The following GTF2IRD1 variants were observed in gnomAD, a reference collection of about 807,000 sequenced individuals.
GTF2IRD1 encodes the protein general transcription factor II-I repeat domain-containing protein 1.
Under a neutral mutation model 113.2 loss-of-function variants are expected in GTF2IRD1, and 26 were observed. The observed-to-expected ratio is 0.23, with a 90% confidence interval of 0.17 to 0.32. GTF2IRD1 has a LOEUF of 0.32. Ranked by LOEUF, GTF2IRD1 falls within the 10% of genes least tolerant of loss-of-function variation. GTF2IRD1 has a pLI of 1.00. For missense variants in GTF2IRD1, 864 were observed against 1,280.8 expected, an observed-to-expected ratio of 0.67 and a Z score of 4.97; for synonymous variants, 484 against 529.1, an observed-to-expected ratio of 0.91 and a Z score of 1.17.
rs59643542 is a variant in GTF2IRD1 at position 74,460,417 on chromosome 7, A to ATT, written c.-7+6252_-7+6253dup. On this transcript the variant is annotated intron_variant, in intron 1 of 26. Coordinates refer to ENST00000424337, the MANE Select transcript of GTF2IRD1 (RefSeq NM_005685.4). ...TCTGCACCTAGCTAATTAAAAAAAAATTTTTTTTTTTTAGAGATGGGGTCT... is the reference window on the plus strand; with the variant it reads ...TCTGCACCTAGCTAATTAAAAAAAAATTTTTTTTTTTTTTAGAGATGGGGTCT... Among the ~76,000 whole-genome samples the ATT allele has an allele frequency of 1.8e-3, 272 of 148,278 alleles. 1 individual carries two copies. Among genetic ancestry groups the ATT allele is most frequent in the African/African-American group, 5.7e-3 (229 of 40,388 alleles).
rs377334154 is a variant in GTF2IRD1, at chr7:74,509,010, A to G, written c.123+807A>G. On this transcript the variant is annotated intron_variant, in intron 2 of 26. Transcript: ENST00000424337. The stretch of plus-strand genomic sequence containing the variant: ...TTATCCCAAATGAGGACATCATAAT[A>G]CCATTTTCCTCTAGCCTTTTCCTGG... Among the ~76,000 whole-genome samples, 4 of 152,030 alleles carry G rather than the reference A, an allele frequency of 2.6e-5. No homozygotes were observed. In the East Asian group the frequency reaches 7.7e-4, roughly 29 times the overall value.
At chr7:74,552,496 A>T (rs1799371844) in intron 17 of GTF2IRD1, among the ~76,000 whole-genome samples, 3 of 152,316 alleles carry the variant, frequency 2.0e-5, no homozygotes, top group African/African-American at 7.2e-5. Flanking sequence ...AGCCTGGGCG[A>T]CAAGAGCAAA....
intron 3 of GTF2IRD1, among the ~76,000 whole-genome samples, chr7:74,514,421 G>C (rs1265175860): frequency 1.3e-5 from 2 of 152,128 alleles, no homozygotes; most frequent in African/African-American, 2.4e-5. Flanking sequence ...CCCAGAGCCT[G>C]AGGCGGTGCA....
chr7:74,561,307 C>T (rs1454174347), intron 22 of GTF2IRD1, among the ~76,000 whole-genome samples: 5 of 146,292 alleles, frequency 3.4e-5, no homozygotes, highest in Non-Finnish European at 7.4e-5. Flanking sequence ...CGAGATCGCG[C>T]GACTGCACTC....
intron 4 of GTF2IRD1, among the ~76,000 whole-genome samples, chr7:74,517,305 G>A (rs1053832411): frequency 2.6e-5 from 4 of 151,104 alleles, no homozygotes; most frequent in Admixed American, 1.3e-4. Flanking sequence ...GATTACAGGC[G>A]TGAGCCACCA....
intron 22 of GTF2IRD1, among the ~76,000 whole-genome samples, chr7:74,575,352 G>A (rs1800978712): frequency 6.6e-6 from 1 of 152,168 alleles, no homozygotes; most frequent in Non-Finnish European, 1.5e-5. Flanking sequence ...GGAAGGTCAG[G>A]GGAAGTGAGA....
intron 23 of GTF2IRD1, 60 bp downstream of exon 23, chr7:74,589,988 C>T: frequency 9.1e-7 from 1 of 1,094,148 alleles, no homozygotes; most frequent in Non-Finnish European, 1.4e-6. Flanking sequence ...GGTGGGGGGC[C>T]TCCCTCTGCA....
At chr7:74,595,722 A>AG (rs1176224375) in intron 25 of GTF2IRD1, among the ~76,000 whole-genome samples, 2 of 152,116 alleles carry the variant, frequency 1.3e-5, no homozygotes, top group Non-Finnish European at 2.9e-5. Flanking sequence ...TGCCCTGCAG[A>AG]GGGGAGGCCT....
At chr7:74,494,652 C>T (rs1050016485) in intron 1 of GTF2IRD1, among the ~76,000 whole-genome samples, 19 of 151,676 alleles carry the variant, frequency 1.3e-4, no homozygotes, top group African/African-American at 3.6e-4. Flanking sequence ...TTTGGGAGGC[C>T]GAGGTGGGAA....
intron 1 of GTF2IRD1, among the ~76,000 whole-genome samples, chr7:74,483,594 C>G (rs1554335067): frequency 6.6e-6 from 1 of 152,112 alleles, no homozygotes; most frequent in Admixed American, 6.6e-5. Flanking sequence ...CCTGTAACCC[C>G]AGCTACTTGG....
chr7:74,490,346 C>A (rs782748259), intron 1 of GTF2IRD1, among the ~76,000 whole-genome samples: 3 of 152,108 alleles, frequency 2.0e-5, no homozygotes, highest in South Asian at 2.1e-4. Context: ...CGCTGCCCAG[C>A]CCAGAGCCTG....
intron 22 of GTF2IRD1, among the ~76,000 whole-genome samples, chr7:74,584,888 G>A (rs587638422): frequency 8.6e-5 from 13 of 152,010 alleles, no homozygotes; most frequent in East Asian, 3.9e-4. Context: ...TGTAACCTCC[G>A]CCTCCCAGGT....
intron 15 of GTF2IRD1, among the ~76,000 whole-genome samples, chr7:74,545,301 T>A (rs1798856146): frequency 6.6e-6 from 1 of 151,858 alleles, no homozygotes; most frequent in Non-Finnish European, 1.5e-5. Flanking sequence ...ATGGAATGAG[T>A]GAGTGTCAGA....
At chr7:74,558,531 T>A (rs1452315491) in intron 20 of GTF2IRD1, among the ~76,000 whole-genome samples, 2 of 151,362 alleles carry the variant, frequency 1.3e-5, no homozygotes, top group South Asian at 2.1e-4. Context: ...GCCCAACTAG[T>A]TTTTAGAAAT....
chr7:74,479,381 G>T (rs892532608), intron 1 of GTF2IRD1, among the ~76,000 whole-genome samples: 1 of 50,296 alleles, frequency 2.0e-5, no homozygotes, highest in African/African-American at 8.2e-5. Flanking sequence ...CTCTGGCCCC[G>T]CTCAGGCCCG....
At chr7:74,579,694 G>T (rs115577390) in intron 22 of GTF2IRD1, among the ~76,000 whole-genome samples, 3 of 151,818 alleles carry the variant, frequency 2.0e-5, no homozygotes, top group Non-Finnish European at 4.4e-5. Context: ...CTGTCATTCC[G>T]GCTAGAGTCC....
Position 74,555,540 on chromosome 7 carries a change from A to C in GTF2IRD1, c.2023+46A>C, listed in dbSNP as rs782359077. The C allele has an allele frequency of 1.5e-5, 19 of 1,265,246 alleles. No individual in the cohort carries two copies. The highest frequency in any genetic ancestry group is 2.1e-5 in the Non-Finnish European group (18 of 864,180). The allele number at this position is 1,265,246 out of a possible 1,614,324, so 78.4% of individuals were successfully genotyped here. ...AGGTCTGTTGTCCCAGCACCAGGAC[A>C]TTGACCTGGTTTGGGTTTGGAGGGC... On this transcript the variant is annotated intron_variant, in intron 19 of 26. Transcript: ENST00000424337. This position sits in a 1 kb window ranked among gnomAD's most constrained non-coding sequence, Gnocchi z 5.3.
In GTF2IRD1 at chr7:74,529,759, G is replaced by C; in HGVS notation, c.1116G>C (p.Met372Ile). ...RYAEALGLDH[M>I]VPVPYRKIAC... is the part of the protein sequence containing the mutation. ...CGGAAGCCCTGGGCCTGGACCACAT[G>C]GTCCCCGTGCCCTACCGGAAGATTG... Residue 372 changes from methionine to isoleucine, a missense_variant, in exon 9 of 27, where the codon ATG (methionine) becomes ATC (isoleucine). Met to Ile is a conservative substitution (Grantham distance 10). This residue lies in a region of GTF2IRD1 where 218 missense variants were observed against 352.6 expected (regional missense o/e 0.62). Coordinates refer to ENST00000424337, the MANE Select transcript of GTF2IRD1 (RefSeq NM_005685.4). The C allele has an allele frequency of 1.9e-6, 3 of 1,614,058 alleles. No homozygotes were observed. The highest frequency in any genetic ancestry group is 2.5e-6 in the Non-Finnish European group (3 of 1,179,998).
At chr7:74,471,669 A>ATT (rs200416663) in intron 1 of GTF2IRD1, among the ~76,000 whole-genome samples, 1 of 72,494 alleles carries the variant, frequency 1.4e-5, no homozygotes, top group African/African-American at 5.5e-5. Context: ...TTTTTGAAAT[A>ATT]TTTAAAAAAA....
Sources: allele counts gnomAD v4.1 joint callset (sites outside exome capture counted in the v4.1 genomes callset), GRCh38; gene constraint gnomAD v4.1.1; regional missense constraint gnomAD v4.1.1; non-coding constraint Gnocchi (gnomAD v3.1); transcripts MANE v1.5; gene names NCBI Gene and HGNC (gene_info 2026-07-23, HGNC 2026-07-21).